TRPM3: variants seen among roughly 807,000 people sequenced by gnomAD.
The protein encoded by TRPM3 is long transient receptor potential channel 3.
TRPM3 carries 77 observed loss-of-function variants against 181.2 expected under a neutral mutation model. The observed-to-expected ratio is 0.42, with a 90% CI of 0.35 to 0.51. The LOEUF (loss-of-function observed/expected upper bound fraction) is 0.51, where lower values mean the gene tolerates loss of function less well. Ranked by LOEUF, TRPM3 falls within the 20% of genes least tolerant of loss-of-function variation. The pLI, the probability that TRPM3 is intolerant of heterozygous loss-of-function variation, is 0.01. For missense variants in TRPM3, 1,759 were observed against 2,196.7 expected (o/e 0.80, Z 3.98); for synonymous variants, 745 against 796.4 (o/e 0.94, Z 1.09).
chr9:70,863,113 C>A lies in TRPM3; in HGVS notation c.258-1G>T. On this transcript the variant is annotated splice_acceptor_variant, in intron 2 of 25. Coordinates refer to ENST00000677713, the MANE Select transcript of TRPM3 (RefSeq NM_001366145.2). LOFTEE classifies it high-confidence loss of function. ...GCCTATCAGACGCCCACAGCAACACCTATAACAGAAGAGGTTAAAGTGAAC... is the reference window on the plus strand; with the variant it reads ...GCCTATCAGACGCCCACAGCAACACATATAACAGAAGAGGTTAAAGTGAAC... 1 of 1,612,462 alleles carries A rather than the reference C, an allele frequency of 6.2e-7. No individual in the cohort carries two copies. The highest frequency in any genetic ancestry group is 8.5e-7 in the Non-Finnish European group (1 of 1,179,016).
Position 71,137,031 on chromosome 9 carries a change from G to A in TRPM3, c.184-272520C>T, listed in dbSNP as rs558672890. The stretch of plus-strand genomic sequence containing the variant: ...TGACTCTAGCATCTGTGTAGAAAAT[G>A]GACTGAACCAAGACTAGTACAAGGA... On this transcript the variant is annotated intron_variant, in intron 1 of 24. Transcript: ENST00000357533. Among the ~76,000 whole-genome samples the A allele has an allele frequency of 1.4e-4, 22 of 152,226 alleles. No individual in the cohort carries two copies. In the East Asian group the frequency reaches 4.1e-3, roughly 28 times the overall value.
At chr9:70,868,959 G>T (rs1439546032) in intron 1 of TRPM3, 4 of 982,500 alleles carry the variant, frequency 4.1e-6, no homozygotes, top group Non-Finnish European at 4.8e-6. Context: ...AGTTGAACAA[G>T]AGAAAAGTTA....
At chr9:71,376,829 T>G (rs1179413077) in intron 1 of TRPM3, among the ~76,000 whole-genome samples, 1 of 152,062 alleles carries the variant, frequency 6.6e-6, no homozygotes, top group Non-Finnish European at 1.5e-5. Context: ...ATTAAAAATA[T>G]ATTTAGATCT....
At position 70,997,608 on chromosome 9, in the gene TRPM3, G is replaced by A. The variant is rs187729784; in HGVS notation, c.177+123570C>T. Among the ~76,000 whole-genome samples the A allele has an allele frequency of 2.6e-5, 4 of 152,180 alleles. No individual in the cohort carries two copies. In the East Asian group the frequency reaches 7.7e-4, roughly 29 times the overall value. On this transcript the variant is annotated intron_variant, in intron 1 of 25. Transcript: ENST00000677713. ...GTTTTCATTCTAGCAAATCAGAGTA[G>A]AGGAATACCTAAACTGTGCTCCTTC...
At position 71,016,001 on chromosome 9, in the gene TRPM3, C is replaced by T. The variant is rs555543235; in HGVS notation, c.177+105177G>A. 9.9e-5 allele frequency among the ~76,000 whole-genome samples: 15 copies of T among 152,040 alleles called. No homozygotes were observed. In the East Asian group the frequency reaches 1.7e-3, roughly 18 times the overall value. On this transcript the variant is annotated intron_variant, in intron 1 of 25. Transcript: ENST00000677713. ...CACGAGGTCAAGAGATTGAGGCCAT[C>T]CTGTTCAACATGGTGAAACCCCATC...
rs145941609 is a variant in TRPM3 at position 70,681,788 on chromosome 9, T to TA, written c.1273-211dup. ...CAGTAGTTTCCAAACACAGACCACT[T>TA]ATAGTTGCACTGTTTTGGTCATAAC... On this transcript the variant is annotated intron_variant, in intron 8 of 25. Transcript: ENST00000677713. Among the ~76,000 whole-genome samples, 448 of 152,308 alleles carry TA rather than the reference T, an allele frequency of 2.9e-3. 2 individuals are homozygous for TA. Among genetic ancestry groups the TA allele is most frequent in the African/African-American group, 9.6e-3 (398 of 41,576 alleles).
intron 25 of TRPM3, among the ~76,000 whole-genome samples, chr9:70,541,698 A>T (rs1191978441): frequency 6.6e-6 from 1 of 152,098 alleles, no homozygotes; most frequent in Non-Finnish European, 1.5e-5. Flanking sequence ...TTTAGTAGAG[A>T]TGGGGTTTCT....
chr9:71,221,193 T>G (rs989004719), intron 1 of TRPM3, among the ~76,000 whole-genome samples: 1 of 152,228 alleles, frequency 6.6e-6, no homozygotes, highest in African/African-American at 2.4e-5. Flanking sequence ...GACTCTTCCC[T>G]GTTCTGTTCT....
At chr9:71,398,447 C>T (rs1474203566) in intron 1 of TRPM3, among the ~76,000 whole-genome samples, 2 of 152,016 alleles carry the variant, frequency 1.3e-5, no homozygotes, top group East Asian at 3.9e-4. Flanking sequence ...ACTATAATTC[C>T]CAATGTTGGG....
At chr9:70,771,536 A>G (rs2080266736) in intron 7 of TRPM3, among the ~76,000 whole-genome samples, 1 of 152,056 alleles carries the variant, frequency 6.6e-6, no homozygotes, top group Admixed American at 6.5e-5. Context: ...ATGGTAAAAC[A>G]GAAGGCTCTG....
At chr9:71,387,797 A>G (rs2092961478) in intron 1 of TRPM3, among the ~76,000 whole-genome samples, 1 of 152,136 alleles carries the variant, frequency 6.6e-6, no homozygotes, top group African/African-American at 2.4e-5. Context: ...CCAAAATACT[A>G]TCTCTAGAGA....
intron 1 of TRPM3, among the ~76,000 whole-genome samples, chr9:71,442,289 T>C (rs896222191): frequency 2.0e-5 from 3 of 152,218 alleles, no homozygotes; most frequent in Admixed American, 2.0e-4. Context: ...GAAAAACAAC[T>C]CTAATTACAC....
chr9:71,137,895 C>T (rs1489843385), intron 1 of TRPM3, among the ~76,000 whole-genome samples: 2 of 152,080 alleles, frequency 1.3e-5, no homozygotes, highest in African/African-American at 4.8e-5. Flanking sequence ...GGTGGGCAGA[C>T]TGCCTGAGGT....
intron 1 of TRPM3, among the ~76,000 whole-genome samples, chr9:71,382,703 A>C (rs1588761232): frequency 6.9e-6 from 1 of 144,496 alleles, no homozygotes; most frequent in Non-Finnish European, 1.5e-5. Flanking sequence ...TTTTTTTTGC[A>C]CTTTATCATA....
intron 1 of TRPM3, among the ~76,000 whole-genome samples, chr9:71,256,411 A>G (rs778797131): frequency 2.0e-5 from 3 of 152,172 alleles, no homozygotes; most frequent in Non-Finnish European, 4.4e-5. Flanking sequence ...GGATTGAAGA[A>G]CATTGATGAT....
intron 1 of TRPM3, among the ~76,000 whole-genome samples, chr9:71,417,877 T>C (rs2093660945): frequency 6.6e-6 from 1 of 152,028 alleles, no homozygotes. Flanking sequence ...ACTTGATATA[T>C]CATTCTTATT....
At chr9:71,172,894 C>T (rs2076936022) in intron 1 of TRPM3, among the ~76,000 whole-genome samples, 3 of 152,102 alleles carry the variant, frequency 2.0e-5, no homozygotes, top group Admixed American at 2.0e-4. Context: ...TCGCTTATGC[C>T]CATTTACTTT....
At chr9:71,211,509 A>G (rs1033875082) in intron 1 of TRPM3, among the ~76,000 whole-genome samples, 1 of 152,106 alleles carries the variant, frequency 6.6e-6, no homozygotes, top group Non-Finnish European at 1.5e-5. Context: ...GCTTAAAACA[A>G]TAGAAATTTA....
intron 5 of TRPM3, among the ~76,000 whole-genome samples, chr9:70,831,768 C>T (rs902654949): frequency 6.6e-6 from 1 of 150,988 alleles, no homozygotes. Context: ...ATGAATAAGA[C>T]CTACTATTTG....
Sources: allele counts gnomAD v4.1 joint callset (sites outside exome capture counted in the v4.1 genomes callset), GRCh38; gene constraint gnomAD v4.1.1; transcripts MANE v1.5; gene names NCBI Gene and HGNC (gene_info 2026-07-23, HGNC 2026-07-21).